Variants in CNTN3 observed in about 807,000 individuals in gnomAD.
The protein encoded by CNTN3 is contactin-3.
In CNTN3, 60 loss-of-function variants were observed where a neutral mutation model predicts 119.1. That is an observed-to-expected ratio of 0.50 (90% CI 0.41 to 0.62). The LOEUF is 0.62. Among genes scored for constraint, CNTN3 ranks in the 20% least tolerant of loss-of-function variants. The pLI is 0.00. For synonymous variants in CNTN3, 450 were observed against 438.7 expected, an observed-to-expected ratio of 1.03 and a Z score of -0.32; for missense variants, 1,101 against 1,242.4, an observed-to-expected ratio of 0.89 and a Z score of 1.71.
chr3:74,306,952 ATT>A (rs1702576173), intron 13 of CNTN3, among the ~76,000 whole-genome samples: 1 of 152,210 alleles, frequency 6.6e-6, no homozygotes, highest in African/African-American at 2.4e-5. Context: ...TCAATGTAAA[ATT>A]ATAATGTAAT....
At chr3:74,577,811 T>C (rs1204711367) in intron 1 of CNTN3, among the ~76,000 whole-genome samples, 3 of 152,126 alleles carry the variant, frequency 2.0e-5, no homozygotes, top group Non-Finnish European at 4.4e-5. Context: ...AATCCATGAT[T>C]AGATATTTTA....
intron 1 of CNTN3, among the ~76,000 whole-genome samples, chr3:74,586,580 T>C (rs907212998): frequency 6.6e-6 from 1 of 152,098 alleles, no homozygotes; most frequent in Non-Finnish European, 1.5e-5. Context: ...TTTGAGACAT[T>C]GGTTTTTAGT....
chr3:74,581,419 T>C (rs1704508071), intron 1 of CNTN3, among the ~76,000 whole-genome samples: 2 of 152,108 alleles, frequency 1.3e-5, no homozygotes, highest in South Asian at 4.1e-4. Context: ...AATTAACAGA[T>C]ATGTGCAATA....
intron 5 of CNTN3, among the ~76,000 whole-genome samples, chr3:74,393,857 A>G (rs1432569585): frequency 6.6e-6 from 1 of 152,224 alleles, no homozygotes; most frequent in African/African-American, 2.4e-5. Context: ...GACAAGCACA[A>G]TTGTAGCTGA....
At chr3:74,328,516 C>G (rs767488862) in intron 13 of CNTN3, among the ~76,000 whole-genome samples, 7 of 152,094 alleles carry the variant, frequency 4.6e-5, no homozygotes, top group Non-Finnish European at 1.0e-4. Flanking sequence ...GGCTTTAGTA[C>G]AAGAAGTCAC....
At chr3:74,549,846 C>T (rs968203968) in intron 1 of CNTN3, among the ~76,000 whole-genome samples, 1 of 152,152 alleles carries the variant, frequency 6.6e-6, no homozygotes, top group Non-Finnish European at 1.5e-5. Context: ...TAGAGTTTCT[C>T]GCAAGTTCCA....
chr3:74,264,088 T>C lies in CNTN3; in HGVS notation c.*313A>G, dbSNP rs1001177029. 3.7e-5 allele frequency: 7 copies of C among 191,056 alleles called. No individual in the cohort carries two copies. Among genetic ancestry groups the C allele is most frequent in the Non-Finnish European group, 6.4e-5 (6 of 94,148 alleles). 11.8% of individuals were successfully genotyped at this position (191,056 alleles called of 1,614,324 possible). A position where few individuals can be genotyped will look rare whatever the true frequency, so the allele number is the denominator to read the frequency against. On this transcript the variant is annotated 3_prime_UTR_variant, in exon 23 of 23. Transcript: ENST00000263665. Reference sequence around the variant, plus strand: ...CAATGTAAAAAGAAATTCTCATGCGTGTGTGTGTACATGTGAGAGTGTGTG... The same window carrying C: ...CAATGTAAAAAGAAATTCTCATGCGCGTGTGTGTACATGTGAGAGTGTGTG...
At chr3:74,492,700 T>TA (rs1237493594) in intron 3 of CNTN3, among the ~76,000 whole-genome samples, 3 of 152,106 alleles carry the variant, frequency 2.0e-5, no homozygotes, top group African/African-American at 7.2e-5. Context: ...GCTGAGGGTA[T>TA]AAAAATCACT....
intron 3 of CNTN3, among the ~76,000 whole-genome samples, chr3:74,491,886 T>C (rs1367847946): frequency 6.6e-6 from 1 of 152,112 alleles, no homozygotes; most frequent in Non-Finnish European, 1.5e-5. Context: ...TTCATAAAAG[T>C]ATATTTGTAT....
intron 11 of CNTN3, among the ~76,000 whole-genome samples, chr3:74,348,570 C>G (rs1703746046): frequency 6.6e-6 from 1 of 152,118 alleles, no homozygotes; most frequent in African/African-American, 2.4e-5. Flanking sequence ...GAAGCCTACA[C>G]TCACCCATGC....
chr3:74,300,011 G>GT lies in CNTN3; in HGVS notation c.2096-74dup, dbSNP rs546137207. The GT allele has an allele frequency of 4.3e-4, 399 of 931,666 alleles. 1 individual carries two copies. In the East Asian group the frequency reaches 0.01, roughly 24 times the overall value. The allele number at this position is 931,666 out of a possible 1,614,324, so 57.7% of individuals were successfully genotyped here. ...ATATTTATCTAAAAGATAATGCAAT[G>GT]TTTTTTTAATATTTAAAATAATTTC... On this transcript the variant is annotated intron_variant, in intron 16 of 22. Coordinates refer to ENST00000263665, the MANE Select transcript of CNTN3 (RefSeq NM_020872.3).
chr3:74,596,700 T>C (rs79128590), intron 1 of CNTN3, among the ~76,000 whole-genome samples: 3,153 of 152,016 alleles, frequency 0.021, 99 homozygotes, highest in African/African-American at 0.073. Flanking sequence ...GAGTAAACAA[T>C]GCATACCAAA....
intron 2 of CNTN3, among the ~76,000 whole-genome samples, chr3:74,520,235 A>G (rs1451429942): frequency 2.7e-5 from 4 of 149,620 alleles, no homozygotes; most frequent in Non-Finnish European, 4.4e-5. Flanking sequence ...AAGTAGACAG[A>G]TAAAAAAAAA....
chr3:74,595,539 G>A (rs1704791314), intron 1 of CNTN3, among the ~76,000 whole-genome samples: 1 of 151,830 alleles, frequency 6.6e-6, no homozygotes, highest in Admixed American at 6.6e-5. Flanking sequence ...TTCAATATAT[G>A]CGAATCAATA....
At chr3:74,310,922 GA>G (rs1028847302) in intron 13 of CNTN3, among the ~76,000 whole-genome samples, 6 of 152,128 alleles carry the variant, frequency 3.9e-5, no homozygotes, top group Admixed American at 2.6e-4. Flanking sequence ...GGACCAAAGA[GA>G]AAGGTTCCCT....
intron 5 of CNTN3, among the ~76,000 whole-genome samples, chr3:74,400,886 A>G (rs565884274): frequency 6.6e-6 from 1 of 152,300 alleles, no homozygotes; most frequent in East Asian, 1.9e-4. Flanking sequence ...ACCAAAGGAA[A>G]CTTTAATATG....
chr3:74,338,681 C>T (rs1040636787), intron 11 of CNTN3, among the ~76,000 whole-genome samples: 5 of 152,044 alleles, frequency 3.3e-5, no homozygotes, highest in African/African-American at 1.2e-4. Context: ...AGAGCTAGCA[C>T]ACAGGTTCAT....
intron 4 of CNTN3, among the ~76,000 whole-genome samples, chr3:74,458,390 A>ATTTT (rs529230151): frequency 6.6e-6 from 1 of 152,044 alleles, no homozygotes; most frequent in Non-Finnish European, 1.5e-5. Context: ...TGGCTTGTAT[A>ATTTT]TTTTAAGTTG....
chr3:74,448,274 T>C (rs1329361240), intron 4 of CNTN3, among the ~76,000 whole-genome samples: 1 of 152,142 alleles, frequency 6.6e-6, no homozygotes, highest in Non-Finnish European at 1.5e-5. Context: ...ATAAGTTTCT[T>C]TTAACCAACA....
Sources: allele counts gnomAD v4.1 joint callset (sites outside exome capture counted in the v4.1 genomes callset), GRCh38; gene constraint gnomAD v4.1.1; transcripts MANE v1.5; gene names NCBI Gene and HGNC (gene_info 2026-07-23, HGNC 2026-07-21).